DLGAP2: variants seen among roughly 807,000 people sequenced by gnomAD.
DLGAP2 encodes the protein disks large-associated protein 2.
Under a neutral mutation model 100.3 loss-of-function variants are expected in DLGAP2, and 26 were observed. That is an observed-to-expected ratio of 0.26 (90% confidence interval 0.19 to 0.36). The LOEUF (loss-of-function observed/expected upper bound fraction) is 0.36. DLGAP2 is among the 10% of genes least tolerant of loss of function. The pLI, the probability that DLGAP2 is intolerant of heterozygous loss-of-function variation, is 1.00. For synonymous variants in DLGAP2, 886 were observed against 630.1 expected (o/e 1.41, Z -6.08); for missense variants, 1,858 against 1,453.2 (o/e 1.28, Z -4.53).
rs5888828 is a variant in DLGAP2 at position 1,357,401 on chromosome 8, CTT to C, written c.106+98531_106+98532del. Among the ~76,000 whole-genome samples the C allele has an allele frequency of 2.8e-3, 411 of 144,564 alleles. 3 individuals carry two copies. The highest frequency in any genetic ancestry group is 8.0e-3 in the African/African-American group (313 of 39,300). The allele number at this position is 144,564 out of a possible 152,430, so 94.8% of individuals were successfully genotyped here. A position where few individuals can be genotyped will look rare whatever the true frequency, so the allele number is the denominator to read the frequency against. ...CCTGATGCATCTGTTGGTGCCAAAT[CTT>C]TTTTTTTTTTTTGTAGCTTTTTATT... On this transcript the variant is annotated intron_variant, in intron 3 of 14. Coordinates refer to ENST00000637795, the MANE Select transcript of DLGAP2 (RefSeq NM_001346810.2).
intron 6 of DLGAP2, among the ~76,000 whole-genome samples, chr8:1,572,004 TG>T (rs1802724147): frequency 9.9e-6 from 1 of 100,530 alleles, no homozygotes; most frequent in African/African-American, 4.0e-5. Context: ...GGGTGAACTG[TG>T]GGGGCGTCTG....
At position 1,322,937 on chromosome 8, in the gene DLGAP2, T is replaced by A. The variant is rs137955976; in HGVS notation, c.106+64054T>A. ...CTGCCTCACTTTGTAGATTATTAAC[T>A]CCTTGTAAGTTGTCTTATTTTTAAA... On this transcript the variant is annotated intron_variant, in intron 3 of 14. Coordinates refer to ENST00000637795, the MANE Select transcript of DLGAP2 (RefSeq NM_001346810.2). Among the ~76,000 whole-genome samples the A allele has an allele frequency of 3.7e-4, 57 of 152,338 alleles. 1 individual carries two copies. Among genetic ancestry groups the A allele is most frequent in the African/African-American group, 1.2e-3 (48 of 41,580 alleles).
chr8:919,080 A>T (rs1344214863), intron 2 of DLGAP2, among the ~76,000 whole-genome samples: 2 of 152,332 alleles, frequency 1.3e-5, no homozygotes, highest in South Asian at 2.1e-4. Context: ...TGCATGGATT[A>T]TAAGCATCAG....
At chr8:1,272,191 T>C (rs1799597679) in intron 3 of DLGAP2, among the ~76,000 whole-genome samples, 1 of 152,238 alleles carries the variant, frequency 6.6e-6, no homozygotes, top group African/African-American at 2.4e-5. Flanking sequence ...TAAAAGCAAT[T>C]AGGATACCCT....
chr8:1,045,641 C>T (rs1802493533), intron 2 of DLGAP2, among the ~76,000 whole-genome samples: 1 of 152,112 alleles, frequency 6.6e-6, no homozygotes, highest in Non-Finnish European at 1.5e-5. Flanking sequence ...CCCAACCGCG[C>T]CCCCACCCAG....
At chr8:1,237,503 A>T (rs1236093303) in intron 2 of DLGAP2, among the ~76,000 whole-genome samples, 10 of 122,656 alleles carry the variant, frequency 8.2e-5, no homozygotes, top group South Asian at 2.8e-4. Context: ...ACATAGCGTC[A>T]TGTCTAGTTG....
intron 2 of DLGAP2, among the ~76,000 whole-genome samples, chr8:1,023,995 T>C (rs1392773866): frequency 6.6e-6 from 1 of 151,722 alleles, no homozygotes; most frequent in Non-Finnish European, 1.5e-5. Flanking sequence ...AGCCTCCACC[T>C]CTTGTGTCTC....
intron 1 of DLGAP2, among the ~76,000 whole-genome samples, chr8:903,049 G>A (rs1419011315): frequency 6.7e-6 from 1 of 148,766 alleles, no homozygotes; most frequent in Non-Finnish European, 1.5e-5. Context: ...GTGGACGGGG[G>A]CGGTGGGGCG....
chr8:1,017,558 T>TGC (rs1491438024), intron 2 of DLGAP2, among the ~76,000 whole-genome samples: 18 of 119,522 alleles, frequency 1.5e-4, no homozygotes, highest in African/African-American at 6.7e-4. Flanking sequence ...ATGCCTCCAC[T>TGC]GTGTGTGTGA....
In DLGAP2 at chr8:1,118,939, A is replaced by T. The variant is rs548913738; in HGVS notation, c.74-139912A>T. On this transcript the variant is annotated intron_variant, in intron 2 of 14. Transcript: ENST00000637795. ...TTTTGTGAGACATAGCATTATGCTT[A>T]CATAGAATAATTTATCGTTTGATGT... is the stretch of plus-strand genomic sequence containing the variant. 5.3e-5 allele frequency among the ~76,000 whole-genome samples: 8 copies of T among 152,376 alleles called. No homozygotes were observed. In the East Asian group the frequency reaches 1.5e-3, roughly 29 times the overall value.
intron 2 of DLGAP2, among the ~76,000 whole-genome samples, chr8:1,134,313 T>A (rs1796357977): frequency 6.6e-6 from 1 of 152,226 alleles, no homozygotes; most frequent in Non-Finnish European, 1.5e-5. Flanking sequence ...TGTGTCTTAG[T>A]GGTAGAACGA....
intron 2 of DLGAP2, among the ~76,000 whole-genome samples, chr8:1,120,834 C>T (rs576877366): frequency 1.3e-5 from 2 of 152,234 alleles, no homozygotes; most frequent in African/African-American, 4.8e-5. Flanking sequence ...CAGTTAGAAC[C>T]CATGACCACC....
At chr8:1,548,484 A>AAAAAC in intron 4 of DLGAP2, 142 bp from the exon 5 acceptor site, 2 of 510,114 alleles carry the variant, frequency 3.9e-6, no homozygotes, top group Non-Finnish European at 6.2e-6. Context: ...AAAAAAAAAA[A>AAAAAC]CCCACAAATC....
rs573254755 is a variant in DLGAP2, at chr8:1,459,644, C to A, written c.107-41722C>A. Among the ~76,000 whole-genome samples the A allele has an allele frequency of 3.3e-5, 5 of 151,298 alleles. No individual in the cohort carries two copies. In the South Asian group the frequency reaches 1.0e-3, roughly 32 times the overall value. On this transcript the variant is annotated intron_variant, in intron 3 of 14. Coordinates refer to ENST00000637795, the MANE Select transcript of DLGAP2 (RefSeq NM_001346810.2). Reference sequence around the variant, plus strand: ...AGAGCACTCACAGAGCTGTCAGGATCATCCAGCACCCTCTCTGGCATTTTA... The same window carrying A: ...AGAGCACTCACAGAGCTGTCAGGATAATCCAGCACCCTCTCTGGCATTTTA...
At chr8:784,026 C>T (rs149788254) in intron 1 of DLGAP2, among the ~76,000 whole-genome samples, 22 of 152,282 alleles carry the variant, frequency 1.4e-4, no homozygotes, top group Non-Finnish European at 2.9e-4. Context: ...ACTTATGTTC[C>T]ATCCAGGTAT....
intron 2 of DLGAP2, among the ~76,000 whole-genome samples, chr8:1,097,632 G>A (rs1208492302): frequency 7.1e-6 from 1 of 140,226 alleles, no homozygotes; most frequent in East Asian, 2.2e-4. Context: ...AGCTCCCTCT[G>A]CTCAGGAGAG....
intron 3 of DLGAP2, among the ~76,000 whole-genome samples, chr8:1,444,595 C>T (rs911587725): frequency 6.6e-6 from 1 of 152,134 alleles, no homozygotes; most frequent in African/African-American, 2.4e-5. Context: ...ATTCCGAGAA[C>T]CCTCCCTCCA....
At chr8:1,255,487 TCC>T (rs1491204163) in intron 2 of DLGAP2, among the ~76,000 whole-genome samples, 11 of 103,186 alleles carry the variant, frequency 1.1e-4, no homozygotes, top group African/African-American at 4.4e-4. Flanking sequence ...TGTGTGTGTG[TCC>T]TCATCTTGCC....
chr8:804,187 G>A (rs1291324685), intron 1 of DLGAP2, among the ~76,000 whole-genome samples: 1 of 152,200 alleles, frequency 6.6e-6, no homozygotes, highest in Non-Finnish European at 1.5e-5. Flanking sequence ...TTTAATAATA[G>A]ATTATTATGC....
Sources: gnomAD v4.1 joint callset for allele counts (sites outside exome capture counted in the v4.1 genomes callset) on GRCh38, gnomAD v4.1.1 for gene constraint, MANE v1.5 for transcripts, NCBI Gene and HGNC (gene_info 2026-07-23, HGNC 2026-07-21) for gene names.